The following ICA1 variants were observed in gnomAD, a reference collection of about 807,000 sequenced individuals.
ICA1 encodes the protein islet cell autoantigen 1, also known as 69 kDa islet cell autoantigen.
ICA1 carries 40 observed loss-of-function variants against 71.0 expected under a neutral mutation model. The ratio of observed to expected loss-of-function variants is 0.56; its 90% CI spans 0.44 to 0.73. The LOEUF (loss-of-function observed/expected upper bound fraction) is 0.73, where lower values mean the gene tolerates loss of function less well. ICA1 is among the 30% of genes least tolerant of loss of function. The pLI is 0.00. For missense variants in ICA1, 578 were observed against 576.5 expected, an observed-to-expected ratio of 1.00 and a Z score of -0.03; for synonymous variants, 207 against 209.5, an observed-to-expected ratio of 0.99 and a Z score of 0.10.
chr7:8,217,221 C>T (rs1795675368), intron 6 of ICA1, among the ~76,000 whole-genome samples: 1 of 152,206 alleles, frequency 6.6e-6, no homozygotes, highest in Non-Finnish European at 1.5e-5. Flanking sequence ...TGAAGAACAT[C>T]TGCGATCAGA....
At chr7:8,140,318 G>T (rs554150587) in intron 10 of ICA1, among the ~76,000 whole-genome samples, 4 of 152,122 alleles carry the variant, frequency 2.6e-5, no homozygotes, top group African/African-American at 9.7e-5. Context: ...CCTGCCACTC[G>T]CTCCCCCTCA....
chr7:8,153,707 T>C (rs1562712335), intron 8 of ICA1, among the ~76,000 whole-genome samples: 2 of 152,030 alleles, frequency 1.3e-5, no homozygotes, highest in Admixed American at 6.6e-5. Context: ...AAAGTGACCA[T>C]GTTTTCAAGT....
At chr7:8,239,761 G>A (rs903598076) in intron 1 of ICA1, among the ~76,000 whole-genome samples, 3 of 152,170 alleles carry the variant, frequency 2.0e-5, no homozygotes, top group Non-Finnish European at 2.9e-5. Flanking sequence ...CGCCTGGCTC[G>A]GCAGGTCCCA....
intron 6 of ICA1, among the ~76,000 whole-genome samples, chr7:8,196,733 T>C (rs1217074845): frequency 1.3e-5 from 2 of 152,164 alleles, no homozygotes; most frequent in African/African-American, 2.4e-5. Flanking sequence ...ATATATAATA[T>C]ATTGATGTGG....
intron 13 of ICA1, among the ~76,000 whole-genome samples, chr7:8,114,416 G>A (rs1176646777): frequency 1.3e-5 from 2 of 152,190 alleles, no homozygotes; most frequent in Non-Finnish European, 2.9e-5. Flanking sequence ...AGGAAGCAAG[G>A]GGCTTTCCAC....
intron 5 of ICA1, 50 bp downstream of exon 5, chr7:8,221,225 C>T (rs373495769): frequency 1.6e-5 from 25 of 1,609,296 alleles, no homozygotes; most frequent in African/African-American, 8.0e-5. Context: ...AGGTGGGTCC[C>T]GGAGTCTCCT....
intron 6 of ICA1, among the ~76,000 whole-genome samples, chr7:8,175,493 G>C (rs1338315598): frequency 1.3e-5 from 2 of 151,636 alleles, no homozygotes; most frequent in African/African-American, 4.9e-5. Flanking sequence ...TACTCCCTTC[G>C]CATGCATGAA....
chr7:8,126,041 C>T (rs569549764), intron 13 of ICA1, among the ~76,000 whole-genome samples: 1 of 152,330 alleles, frequency 6.6e-6, no homozygotes, highest in East Asian at 1.9e-4. Context: ...GAACTTCTCT[C>T]ACTTTGCCTG....
intron 8 of ICA1, among the ~76,000 whole-genome samples, chr7:8,147,113 T>G (rs1797290562): frequency 6.6e-6 from 1 of 152,166 alleles, no homozygotes. Context: ...AGGGCATGTC[T>G]GCTCTCAGCC....
intron 5 of ICA1, among the ~76,000 whole-genome samples, chr7:8,220,645 G>A (rs1457902635): frequency 6.7e-6 from 1 of 149,382 alleles, no homozygotes; most frequent in Non-Finnish European, 1.5e-5. Context: ...ATGAGTCACG[G>A]TTGTGTTAAA....
intron 1 of ICA1, among the ~76,000 whole-genome samples, chr7:8,238,361 T>C (rs1434290487): frequency 6.6e-6 from 1 of 152,168 alleles, no homozygotes; most frequent in Admixed American, 6.5e-5. Context: ...TATCTCATGG[T>C]TTTGGTTTAC....
At chr7:8,117,767 G>A (rs550549694) in intron 13 of ICA1, among the ~76,000 whole-genome samples, 3 of 152,154 alleles carry the variant, frequency 2.0e-5, no homozygotes, top group Non-Finnish European at 4.4e-5. Flanking sequence ...TTTGGAAGGC[G>A]AGTTCAGATG....
chr7:8,186,763 A>G (rs1440737168), intron 6 of ICA1, among the ~76,000 whole-genome samples: 1 of 152,196 alleles, frequency 6.6e-6, no homozygotes, highest in Non-Finnish European at 1.5e-5. Context: ...ACTCAATTTG[A>G]TGGGTTCCAT....
At chr7:8,163,159 T>C (rs997689042) in intron 6 of ICA1, among the ~76,000 whole-genome samples, 8 of 152,228 alleles carry the variant, frequency 5.3e-5, no homozygotes, top group African/African-American at 1.7e-4. Context: ...ATGATTTGAC[T>C]GGCAAAACAT....
chr7:8,134,371 T>C (rs1219133635), intron 12 of ICA1, among the ~76,000 whole-genome samples: 1 of 152,218 alleles, frequency 6.6e-6, no homozygotes, highest in Non-Finnish European at 1.5e-5. Flanking sequence ...GGTGGTATTT[T>C]TGAACTCATA....
intron 6 of ICA1, among the ~76,000 whole-genome samples, chr7:8,170,493 T>G (rs1296145127): frequency 2.0e-5 from 3 of 152,170 alleles, no homozygotes; most frequent in Admixed American, 2.0e-4. Flanking sequence ...ATTGGATTTT[T>G]AAATTGTCTT....
At chr7:8,245,886 A>G (rs1352443121) in intron 1 of ICA1, among the ~76,000 whole-genome samples, 2 of 152,246 alleles carry the variant, frequency 1.3e-5, no homozygotes, top group Non-Finnish European at 2.9e-5. Context: ...CAGAATCAGT[A>G]GAGCCTTGAC....
In ICA1 at chr7:8,123,574, T is replaced by G. The variant is rs1391362788; in HGVS notation, c.1330+4299A>C. 6.6e-6 allele frequency among the ~76,000 whole-genome samples: 1 copy of G among 152,048 alleles called. No individual in the cohort carries two copies. Among genetic ancestry groups the G allele is most frequent in the Non-Finnish European group, 1.5e-5 (1 of 67,994 alleles). On this transcript the variant is annotated intron_variant, in intron 13 of 13. Transcript: ENST00000402384. This position sits in a 1 kb window ranked among gnomAD's most constrained non-coding sequence, Gnocchi z 4.1. Reference sequence around the variant, plus strand: ...TAGCTGCTGGCACACAGGAACAAGATTTCCTAGGACAATCTCAATTTCAAA... The same window carrying G: ...TAGCTGCTGGCACACAGGAACAAGAGTTCCTAGGACAATCTCAATTTCAAA...
chr7:8,195,295 G>A (rs1787071142), intron 6 of ICA1, among the ~76,000 whole-genome samples: 1 of 152,236 alleles, frequency 6.6e-6, no homozygotes, highest in Non-Finnish European at 1.5e-5. Context: ...CACTTTGAGA[G>A]GATGAGGTGG....
Sources: gnomAD v4.1 joint callset for allele counts (sites outside exome capture counted in the v4.1 genomes callset) on GRCh38, gnomAD v4.1.1 for gene constraint, Gnocchi (gnomAD v3.1) non-coding constraint, MANE v1.5 for transcripts, NCBI Gene and HGNC (gene_info 2026-07-23, HGNC 2026-07-21) for gene names.